MSRB2: variants seen among roughly 807,000 people sequenced by gnomAD.
MSRB2 encodes the protein methionine-R-sulfoxide reductase B2, mitochondrial.
In MSRB2, 17 loss-of-function variants were observed where a neutral mutation model predicts 19.0. The observed-to-expected ratio is 0.89, with a 90% CI of 0.61 to 1.34. The LOEUF is 1.34. MSRB2 is among the 40% of genes most tolerant of loss of function. The pLI, the probability that MSRB2 is intolerant of heterozygous loss-of-function variation, is 0.00. For missense variants in MSRB2, 208 were observed against 237.6 expected (o/e 0.88, Z 0.82); for synonymous variants, 107 against 99.7 (o/e 1.07, Z -0.44).
chr10:23,108,592 C>T (rs1840009567), intron 2 of MSRB2, among the ~76,000 whole-genome samples: 2 of 151,718 alleles, frequency 1.3e-5, no homozygotes, highest in African/African-American at 2.4e-5. Context: ...TCTTCTGCCT[C>T]AGCCTCCTGA....
At chr10:23,117,349 C>G (rs980572281) in intron 3 of MSRB2, among the ~76,000 whole-genome samples, 1 of 152,132 alleles carries the variant, frequency 6.6e-6, no homozygotes, top group Non-Finnish European at 1.5e-5. Context: ...AGGCCACATC[C>G]TCTTATACTC....
Position 23,120,794 on chromosome 10 carries a change from C to T in MSRB2, c.481C>T (p.Pro161Ser). ...TCTAGGTCACGTGTTTCCTGATGGA[C>T]CTGGGCCCAATGGTCAGAGGTTTTG... is the stretch of plus-strand genomic sequence containing the variant. ...AHLGHVFPDG[P>S]GPNGQRFCIN... Residue 161 changes from proline (P) to serine (S), a missense_variant, in exon 5 of 5, where the codon CCT (proline) becomes TCT (serine). By Grantham distance (74) the Pro-to-Ser change is moderately conservative (BLOSUM62 -1). Coordinates refer to ENST00000376510, the MANE Select transcript of MSRB2 (RefSeq NM_012228.4). 6.2e-7 allele frequency: 1 copy of T among 1,614,086 alleles called. No individual in the cohort carries two copies. The highest frequency in any genetic ancestry group is 1.6e-4 in the Middle Eastern group (1 of 6,062).
At position 23,096,356 on chromosome 10, in the gene MSRB2, G is replaced by C. The variant is rs374830385; in HGVS notation, c.118+630G>C. Among the ~76,000 whole-genome samples the C allele has an allele frequency of 1.8e-4, 22 of 124,794 alleles. 1 individual carries two copies. In the South Asian group the frequency reaches 5.6e-3, roughly 32 times the overall value. The allele number at this position is 124,794 out of a possible 152,430, so 81.9% of individuals were successfully genotyped here. A position where few individuals can be genotyped will look rare whatever the true frequency, so the allele number is the denominator to read the frequency against. ...TGTGTGTGTCTCTCTCTCTCTCTGTGTGTGTGTGTGTGTGTGTTTCTGCTA... is the reference window on the plus strand; with the variant it reads ...TGTGTGTGTCTCTCTCTCTCTCTGTCTGTGTGTGTGTGTGTGTTTCTGCTA... On this transcript the variant is annotated intron_variant, in intron 1 of 4. Coordinates refer to ENST00000376510, the MANE Select transcript of MSRB2 (RefSeq NM_012228.4).
chr10:23,096,352 C>CTCTCTGTG (rs144653384), intron 1 of MSRB2, among the ~76,000 whole-genome samples: 3 of 142,748 alleles, frequency 2.1e-5, no homozygotes, highest in Non-Finnish European at 3.0e-5. Flanking sequence ...CTCTCTCTCT[C>CTCTCTGTG]TGTGTGTGTG....
intron 2 of MSRB2, among the ~76,000 whole-genome samples, chr10:23,108,684 C>T (rs1840010661): frequency 6.6e-6 from 1 of 151,886 alleles, no homozygotes; most frequent in Admixed American, 6.6e-5. Flanking sequence ...TCATGTTGGC[C>T]AGGCTGGTCT....
At chr10:23,117,353 T>TA (rs1840122798) in intron 3 of MSRB2, among the ~76,000 whole-genome samples, 2 of 152,154 alleles carry the variant, frequency 1.3e-5, no homozygotes, top group Non-Finnish European at 2.9e-5. Flanking sequence ...CACATCCTCT[T>TA]ATACTCCAAT....
chr10:23,110,353 C>T, intron 3 of MSRB2, 35 bp downstream of exon 3: 1 of 1,533,524 alleles, frequency 6.5e-7, no homozygotes, highest in Non-Finnish European at 9.0e-7. Flanking sequence ...GGAAGGAGAC[C>T]AAACCTCCAG....
At chr10:23,109,519 G>T (rs1857279) in intron 2 of MSRB2, among the ~76,000 whole-genome samples, 3 of 150,260 alleles carry the variant, frequency 2.0e-5, no homozygotes, top group Non-Finnish European at 3.0e-5. Flanking sequence ...CTCCAGCCTG[G>T]GTGACAGTGA....
intron 3 of MSRB2, among the ~76,000 whole-genome samples, chr10:23,111,285 A>C (rs1351937956): frequency 6.6e-6 from 1 of 152,242 alleles, no homozygotes; most frequent in African/African-American, 2.4e-5. Context: ...ATTTTTGCAC[A>C]GTAAAATGTG....
intron 3 of MSRB2, among the ~76,000 whole-genome samples, chr10:23,115,422 T>C (rs1053787791): frequency 1.3e-5 from 2 of 152,204 alleles, no homozygotes; most frequent in African/African-American, 4.8e-5. Flanking sequence ...GTATGTACCA[T>C]GAGTAACTAA....
intron 3 of MSRB2, among the ~76,000 whole-genome samples, chr10:23,112,286 G>T (rs1233826749): frequency 6.6e-6 from 1 of 152,200 alleles, no homozygotes; most frequent in African/African-American, 2.4e-5. Context: ...TATTCCTGAA[G>T]ATTATTTATG....
chr10:23,112,543 T>A (rs1285430140), intron 3 of MSRB2, among the ~76,000 whole-genome samples: 1 of 152,230 alleles, frequency 6.6e-6, no homozygotes, highest in Non-Finnish European at 1.5e-5. Context: ...CTGACATGAC[T>A]GACTCAGGCC....
chr10:23,119,139 A>G (rs190933518), intron 3 of MSRB2, 165 bp from the exon 4 acceptor site: 26 of 806,094 alleles, frequency 3.2e-5, no homozygotes, highest in Non-Finnish European at 5.4e-5. Flanking sequence ...GTGAAGGTGC[A>G]GTGAGGACGA....
intron 2 of MSRB2, among the ~76,000 whole-genome samples, chr10:23,104,497 C>T (rs1039348802): frequency 3.3e-5 from 5 of 152,136 alleles, no homozygotes; most frequent in Admixed American, 6.5e-5. Flanking sequence ...CCGCTGTCAC[C>T]TCCCCGTGGG....
At chr10:23,105,617 A>G (rs943733018) in intron 2 of MSRB2, among the ~76,000 whole-genome samples, 1 of 152,206 alleles carries the variant, frequency 6.6e-6, no homozygotes, top group African/African-American at 2.4e-5. Context: ...AGCTACTGGA[A>G]TGTAGCTTTT....
chr10:23,100,553 C>A (rs544305956), intron 1 of MSRB2, among the ~76,000 whole-genome samples: 2 of 152,240 alleles, frequency 1.3e-5, no homozygotes, highest in South Asian at 2.1e-4. Context: ...GGGAAACTTA[C>A]AATCATGATG....
At chr10:23,099,713 C>G (rs1262487734) in intron 1 of MSRB2, among the ~76,000 whole-genome samples, 1 of 152,152 alleles carries the variant, frequency 6.6e-6, no homozygotes, top group Non-Finnish European at 1.5e-5. Context: ...CTGGGCAACA[C>G]AGTGAGACTC....
intron 2 of MSRB2, among the ~76,000 whole-genome samples, chr10:23,106,965 C>T (rs1335928899): frequency 2.0e-5 from 3 of 152,202 alleles, no homozygotes; most frequent in Non-Finnish European, 2.9e-5. Context: ...ACCTTGCAAT[C>T]CCAGGGGAAT....
intron 1 of MSRB2, among the ~76,000 whole-genome samples, chr10:23,096,754 T>A (rs553760932): frequency 1.3e-5 from 2 of 152,226 alleles, no homozygotes; most frequent in Non-Finnish European, 2.9e-5. Context: ...TAATCACTGG[T>A]GTCTCTAGTC....
Sources: allele counts gnomAD v4.1 joint callset (sites outside exome capture counted in the v4.1 genomes callset), GRCh38; gene constraint gnomAD v4.1.1; transcripts MANE v1.5; gene names NCBI Gene and HGNC (gene_info 2026-07-23, HGNC 2026-07-21).